SEMA5A: variants seen among roughly 807,000 people sequenced by gnomAD.
The protein encoded by SEMA5A is semaphorin-5A.
In SEMA5A, 55 loss-of-function variants were observed where a neutral mutation model predicts 135.5. The observed-to-expected ratio is 0.41, with a 90% confidence interval of 0.33 to 0.51. SEMA5A has a LOEUF of 0.51. SEMA5A is among the 20% of genes least tolerant of loss of function. The pLI is 0.37. For missense variants in SEMA5A, 1,290 were observed against 1,419.9 expected (o/e 0.91, Z 1.47); for synonymous variants, 580 against 546.5 (o/e 1.06, Z -0.85).
In SEMA5A at chr5:9,457,286, C is replaced by T. The variant is rs771088511; in HGVS notation, c.-174-19434G>A. On this transcript the variant is annotated intron_variant, in intron 1 of 22. Transcript: ENST00000382496. ...CTCCTCAGAGGAGTAGAAATCGCAC[C>T]ATGATCTAAGTTCAAACCCTGTCAC... 5.5e-4 allele frequency among the ~76,000 whole-genome samples: 84 copies of T among 152,336 alleles called. 2 individuals are homozygous for T. The highest frequency in any genetic ancestry group is 3.4e-3 in the Middle Eastern group (1 of 294).
At chr5:9,478,760 C>T (rs572673995) in intron 1 of SEMA5A, among the ~76,000 whole-genome samples, 1 of 152,158 alleles carries the variant, frequency 6.6e-6, no homozygotes, top group African/African-American at 2.4e-5. Context: ...AGAGACTTCC[C>T]TTGTCTCAAA....
chr5:9,337,828 A>G lies in SEMA5A; in HGVS notation c.125-16T>C. ...GGGCCAATTTCTAAATAGAAAAAAT[A>G]AATAAATAAAAAGATAAAAATGAAT... On this transcript the variant is annotated splice_polypyrimidine_tract_variant and intron_variant, in intron 3 of 22. Transcript: ENST00000382496. 2 of 1,512,902 alleles carry G rather than the reference A, an allele frequency of 1.3e-6. No homozygotes were observed. Among genetic ancestry groups the G allele is most frequent in the South Asian group, 1.2e-5 (1 of 83,554 alleles). The allele number at this position is 1,512,902 out of a possible 1,614,324, so 93.7% of individuals were successfully genotyped here.
intron 8 of SEMA5A, among the ~76,000 whole-genome samples, chr5:9,217,782 T>C (rs1746716875): frequency 6.6e-6 from 1 of 152,246 alleles, no homozygotes; most frequent in Non-Finnish European, 1.5e-5. Context: ...TTTATTCTGC[T>C]GTTAATACTT....
intron 11 of SEMA5A, among the ~76,000 whole-genome samples, chr5:9,161,865 A>T (rs1743275018): frequency 6.6e-6 from 1 of 152,198 alleles, no homozygotes; most frequent in Admixed American, 6.5e-5. Context: ...TTCAAGTAAG[A>T]TGATGGAGGT....
At chr5:9,225,252 A>G (rs2150417776) in intron 7 of SEMA5A, among the ~76,000 whole-genome samples, 1 of 152,232 alleles carries the variant, frequency 6.6e-6, no homozygotes, top group South Asian at 2.1e-4. Flanking sequence ...TAGGATCACA[A>G]TAAAGAATTA....
chr5:9,141,572 A>T (rs1742068251), intron 12 of SEMA5A, among the ~76,000 whole-genome samples: 5 of 152,156 alleles, frequency 3.3e-5, no homozygotes, highest in Admixed American at 3.3e-4. Flanking sequence ...TTTTTTCAAA[A>T]ACACACTTAT....
intron 4 of SEMA5A, among the ~76,000 whole-genome samples, chr5:9,324,074 A>AT (rs200695024): frequency 0.12 from 17,623 of 147,714 alleles, 2,917 homozygotes; most frequent in African/African-American, 0.38. Flanking sequence ...ATTTTATTTT[A>AT]TTTTTTTTTT....
At chr5:9,512,476 G>C (rs1157215789) in intron 1 of SEMA5A, among the ~76,000 whole-genome samples, 1 of 152,156 alleles carries the variant, frequency 6.6e-6, no homozygotes, top group Non-Finnish European at 1.5e-5. Flanking sequence ...GAATCCAAAA[G>C]CTGAAGTTCT....
chr5:9,163,556 A>T (rs76599159), intron 11 of SEMA5A, among the ~76,000 whole-genome samples: 17,830 of 152,082 alleles, frequency 0.12, 1,759 homozygotes, highest in African/African-American at 0.25. Context: ...ACAATATCTC[A>T]TTTGTAAGGT....
chr5:9,305,926 A>G (rs1751848107), intron 5 of SEMA5A, among the ~76,000 whole-genome samples: 1 of 152,132 alleles, frequency 6.6e-6, no homozygotes, highest in Non-Finnish European at 1.5e-5. Context: ...CTGTGTTGAG[A>G]CACAAAGTGA....
chr5:9,197,066 G>A, intron 10 of SEMA5A, 102 bp downstream of exon 10: 2 of 1,491,916 alleles, frequency 1.3e-6, no homozygotes, highest in Non-Finnish European at 9.2e-7. Flanking sequence ...CAGCTGCATG[G>A]TGCATGCACC....
intron 1 of SEMA5A, among the ~76,000 whole-genome samples, chr5:9,477,010 G>A (rs892393620): frequency 5.9e-5 from 9 of 152,134 alleles, no homozygotes; most frequent in Non-Finnish European, 1.0e-4. Context: ...CATATATCAA[G>A]GGAGGGAGGA....
At chr5:9,075,640 A>G (rs940449358) in intron 16 of SEMA5A, among the ~76,000 whole-genome samples, 1 of 152,186 alleles carries the variant, frequency 6.6e-6, no homozygotes, top group African/African-American at 2.4e-5. Flanking sequence ...ACAGAAAGCA[A>G]TCAGTGCTTA....
At chr5:9,444,283 C>A (rs1285011723) in intron 1 of SEMA5A, among the ~76,000 whole-genome samples, 9 of 151,662 alleles carry the variant, frequency 5.9e-5, no homozygotes, top group African/African-American at 1.5e-4. Context: ...TCTTGGTGCA[C>A]CCATTACCTG....
chr5:9,104,257 G>C (rs1005026388), intron 16 of SEMA5A, among the ~76,000 whole-genome samples: 1 of 152,082 alleles, frequency 6.6e-6, no homozygotes, highest in Non-Finnish European at 1.5e-5. Flanking sequence ...GGGATACAGA[G>C]AGAATAAACA....
At chr5:9,510,968 A>G (rs1252869307) in intron 1 of SEMA5A, among the ~76,000 whole-genome samples, 1 of 152,166 alleles carries the variant, frequency 6.6e-6, no homozygotes, top group South Asian at 2.1e-4. Context: ...AAGATACCCG[A>G]GAAGTCATTG....
At chr5:9,193,609 T>C (rs1442186754) in intron 10 of SEMA5A, among the ~76,000 whole-genome samples, 1 of 152,144 alleles carries the variant, frequency 6.6e-6, no homozygotes, top group East Asian at 1.9e-4. Flanking sequence ...GCTGCAAACA[T>C]GCTTGGCAGG....
At chr5:9,467,708 G>C (rs1384826903) in intron 1 of SEMA5A, among the ~76,000 whole-genome samples, 1 of 152,162 alleles carries the variant, frequency 6.6e-6, no homozygotes, top group Non-Finnish European at 1.5e-5. Context: ...GCAGGTAGCA[G>C]CAGCTCTGTG....
At chr5:9,079,701 A>G (rs1041875020) in intron 16 of SEMA5A, among the ~76,000 whole-genome samples, 2 of 152,146 alleles carry the variant, frequency 1.3e-5, no homozygotes, top group Non-Finnish European at 2.9e-5. Flanking sequence ...AATGTACAAG[A>G]AAAAAACAAA....
Sources: allele counts gnomAD v4.1 joint callset (sites outside exome capture counted in the v4.1 genomes callset), GRCh38; gene constraint gnomAD v4.1.1; transcripts MANE v1.5; gene names NCBI Gene and HGNC (gene_info 2026-07-23, HGNC 2026-07-21).